Variants in ASH1L observed in about 807,000 individuals in gnomAD.
ASH1L encodes histone-lysine N-methyltransferase ASH1L.
Under a neutral mutation model 269.0 loss-of-function variants are expected in ASH1L, and 23 were observed. That is an observed-to-expected ratio of 0.09 (90% CI 0.06 to 0.12). The LOEUF (loss-of-function observed/expected upper bound fraction) is 0.12. Among genes scored for constraint, ASH1L ranks in the 10% least tolerant of loss-of-function variants. The probability of loss-of-function intolerance (pLI) is 1.00; values close to 1 mark genes in which losing one functional copy is unlikely to be tolerated. For missense variants in ASH1L, 2,912 were observed against 3,567.8 expected (o/e 0.82, Z 4.68); for synonymous variants, 1,187 against 1,253.5 (o/e 0.95, Z 1.12).
chr1:155,416,711 T>C (rs182404378), intron 5 of ASH1L, among the ~76,000 whole-genome samples: 65 of 151,652 alleles, frequency 4.3e-4, no homozygotes, highest in African/African-American at 1.4e-3. Flanking sequence ...AATTTTTGTA[T>C]TTTTAGTAGA....
At chr1:155,444,729 G>C (rs1662866488) in intron 4 of ASH1L, among the ~76,000 whole-genome samples, 1 of 151,568 alleles carries the variant, frequency 6.6e-6, no homozygotes, top group African/African-American at 2.4e-5. Context: ...GGATTCCTGT[G>C]CCTCAGCCTC....
chr1:155,364,189 G>A (rs1166569575), intron 12 of ASH1L, among the ~76,000 whole-genome samples: 1 of 152,102 alleles, frequency 6.6e-6, no homozygotes, highest in Non-Finnish European at 1.5e-5. Flanking sequence ...CAGCTACTTG[G>A]GAAGCTGAGG....
intron 13 of ASH1L, 64 bp downstream of exon 13, chr1:155,360,237 C>T: frequency 9.0e-7 from 1 of 1,105,742 alleles, no homozygotes; most frequent in Non-Finnish European, 1.4e-6. Context: ...TTACAGAAAG[C>T]TCATGTTATT....
intron 7 of ASH1L, among the ~76,000 whole-genome samples, chr1:155,392,216 A>G (rs1457867230): frequency 6.6e-6 from 1 of 152,120 alleles, no homozygotes; most frequent in Admixed American, 6.6e-5. Context: ...AGTTTCCCCT[A>G]TTAGCATTTT....
chr1:155,456,436 T>C (rs150127882), intron 4 of ASH1L, among the ~76,000 whole-genome samples: 1 of 152,326 alleles, frequency 6.6e-6, no homozygotes, highest in Non-Finnish European at 1.5e-5. Flanking sequence ...TGTTGACTAA[T>C]CTATTCCATT....
intron 5 of ASH1L, among the ~76,000 whole-genome samples, chr1:155,436,223 CTTG>C (rs1423683230): frequency 6.6e-6 from 1 of 151,942 alleles, no homozygotes; most frequent in Non-Finnish European, 1.5e-5. Flanking sequence ...AAGTTTCGCT[CTTG>C]TTGCCCAGGC....
At chr1:155,375,535 C>CCAG (rs559323682) in intron 10 of ASH1L, among the ~76,000 whole-genome samples, 2 of 152,028 alleles carry the variant, frequency 1.3e-5, no homozygotes, top group Non-Finnish European at 2.9e-5. Context: ...ACCTGTAATC[C>CCAG]CAGCACTTTG....
chr1:155,508,521 C>T (rs1222419188), intron 2 of ASH1L, among the ~76,000 whole-genome samples: 3 of 152,128 alleles, frequency 2.0e-5, no homozygotes, highest in Non-Finnish European at 2.9e-5. Context: ...CACCTGTAAT[C>T]CCAGCTACTC....
At chr1:155,349,884 CTTT>C (rs1299756334) in intron 17 of ASH1L, among the ~76,000 whole-genome samples, 6 of 97,668 alleles carry the variant, frequency 6.1e-5, no homozygotes, top group Admixed American at 1.1e-4. Context: ...CGCCAAGCTA[CTTT>C]TTTTTTTTTT....
intron 2 of ASH1L, among the ~76,000 whole-genome samples, chr1:155,503,252 T>A (rs936829227): frequency 1.3e-5 from 2 of 152,362 alleles, no homozygotes; most frequent in Admixed American, 1.3e-4. Flanking sequence ...TTCATATATA[T>A]CCTCAGATGT....
At chr1:155,545,668 C>T (rs1000096454) in intron 1 of ASH1L, among the ~76,000 whole-genome samples, 2 of 151,334 alleles carry the variant, frequency 1.3e-5, no homozygotes, top group African/African-American at 4.8e-5. Context: ...ATATATATTC[C>T]TATTACAGAA....
In ASH1L at chr1:155,370,943, C is replaced by T. The variant is rs1558039351; in HGVS notation, c.6373G>A (p.Gly2125Ser). Residue 2125 changes from glycine to serine, a missense_variant, in exon 11 of 28, where the codon GGC becomes AGC. This residue lies in a region of ASH1L where 193 missense variants were observed against 311.6 expected (regional missense o/e 0.62). Transcript: ENST00000392403. ...AECSPNTCPC[G>S]EQCCNQRIQR... is the part of the protein sequence containing the mutation. The stretch of plus-strand genomic sequence containing the variant: ...ATCCTCTGGTTACAGCATTGCTCGC[C>T]ACATGGGCAAGTGTTGGGGGAACAC... 6.2e-7 allele frequency: 1 copy of T among 1,614,128 alleles called. No individual in the cohort carries two copies. Among genetic ancestry groups the T allele is most frequent in the Non-Finnish European group, 8.5e-7 (1 of 1,180,032 alleles).
At chr1:155,422,303 ATTTTTT>A (rs757564991) in intron 5 of ASH1L, among the ~76,000 whole-genome samples, 21 of 120,924 alleles carry the variant, frequency 1.7e-4, no homozygotes, top group South Asian at 5.1e-4. Flanking sequence ...CGCCCAGCTA[ATTTTTT>A]TTTTTTTTTT....
Position 155,433,909 on chromosome 1 carries a change from C to A in ASH1L, c.5828+4418G>T, listed in dbSNP as rs774005500. Reference sequence around the variant, plus strand: ...CCAGTATCGAGAACCGAGTGAGAGGCAACCTGGAGAATTTGTTCCTGCAGT... The same window carrying A: ...CCAGTATCGAGAACCGAGTGAGAGGAAACCTGGAGAATTTGTTCCTGCAGT... On this transcript the variant is annotated intron_variant, in intron 5 of 27. Coordinates refer to ENST00000392403, the MANE Select transcript of ASH1L (RefSeq NM_018489.3). 5 of 1,594,806 alleles carry A rather than the reference C, an allele frequency of 3.1e-6. No homozygotes were observed. The South Asian group carries it at 5.7e-5, about 18-fold the overall frequency.
chr1:155,408,311 T>C (rs1273057799), intron 6 of ASH1L, among the ~76,000 whole-genome samples: 1 of 152,200 alleles, frequency 6.6e-6, no homozygotes, highest in African/African-American at 2.4e-5. Flanking sequence ...AACAGCAATA[T>C]AAAATTTATA....
Position 155,378,286 on chromosome 1 carries a change from G to A in ASH1L, c.6327C>T (p.Leu2109=). Residue 2109 remains leucine (L), a synonymous_variant, in exon 10 of 28, where the codon CTC becomes CTT. Coordinates refer to ENST00000392403, the MANE Select transcript of ASH1L (RefSeq NM_018489.3). ...AAATCAAAGCATGACAGTACCTATT[G>A]AGGCAGTCATCAACACAGCCCTTCC... The part of the protein sequence containing the change: ...DTRKGCVDDC[L]NRMIFAECSP... 2 of 1,612,916 alleles carry A rather than the reference G, an allele frequency of 1.2e-6. No individual in the cohort carries two copies. Among genetic ancestry groups the A allele is most frequent in the Non-Finnish European group, 1.7e-6 (2 of 1,178,902 alleles).
chr1:155,485,314 T>C (rs985361253), intron 2 of ASH1L, among the ~76,000 whole-genome samples: 4 of 151,816 alleles, frequency 2.6e-5, no homozygotes, highest in African/African-American at 9.7e-5. Flanking sequence ...CTATTTTTTA[T>C]TTTTATTTTT....
At chr1:155,548,784 CTCT>C (rs1172035868) in intron 1 of ASH1L, among the ~76,000 whole-genome samples, 1 of 152,198 alleles carries the variant, frequency 6.6e-6, no homozygotes, top group African/African-American at 2.4e-5. Context: ...AGTTCTTTGG[CTCT>C]AAATAGCATC....
Position 155,438,895 on chromosome 1 carries a change from T to C in ASH1L, c.5260A>G (p.Ser1754Gly), listed in dbSNP as rs150285216. 6.2e-7 allele frequency: 1 copy of C among 1,614,206 alleles called. No individual in the cohort carries two copies. The highest frequency in any genetic ancestry group is 2.2e-5 in the East Asian group (1 of 44,880). ...GGTTTTCCCAGGGTTCGGTCCTTGC[T>C]GTGGCTACGGCCTGGACTGGAAGAA... ...PPSSSPGRSHSKDRTLGKPDS... is the reference protein window; with the variant it reads ...PPSSSPGRSHGKDRTLGKPDS... The change falls in exon 5 of 28, where the codon AGC becomes GGC. Residue 1754 changes from serine (S) to glycine (G), a missense_variant. This residue lies in a region of ASH1L where 789 missense variants were observed against 897.6 expected (regional missense o/e 0.88). Coordinates refer to ENST00000392403, the MANE Select transcript of ASH1L (RefSeq NM_018489.3).
Sources: allele counts gnomAD v4.1 joint callset (sites outside exome capture counted in the v4.1 genomes callset), GRCh38; gene constraint gnomAD v4.1.1; regional missense constraint gnomAD v4.1.1; transcripts MANE v1.5; gene names NCBI Gene and HGNC (gene_info 2026-07-23, HGNC 2026-07-21).